Variants in FLVCR2 observed in about 807,000 individuals in gnomAD.
FLVCR2 encodes the protein choline/ethanolamine transporter FLVCR2.
FLVCR2 carries 38 observed loss-of-function variants against 48.9 expected under a neutral mutation model. The ratio of observed to expected loss-of-function variants is 0.78; its 90% confidence interval spans 0.60 to 1.02. The LOEUF is 1.02. Ranked by LOEUF, FLVCR2 falls within the 50% of genes least tolerant of loss-of-function variation. The pLI, the probability that FLVCR2 is intolerant of heterozygous loss-of-function variation, is 0.00. For synonymous variants in FLVCR2, 255 were observed against 257.0 expected, an observed-to-expected ratio of 0.99 and a Z score of 0.07; for missense variants, 664 against 663.3, an observed-to-expected ratio of 1.00 and a Z score of -0.01.
At chr14:75,632,511 G>A (rs1890070817) in intron 3 of FLVCR2, 4 of 644,190 alleles carry the variant, frequency 6.2e-6, no homozygotes, top group Middle Eastern at 3.5e-4. Flanking sequence ...GTGCCTGTGA[G>A]CATTAAGCCA....
intron 2 of FLVCR2, among the ~76,000 whole-genome samples, chr14:75,622,746 A>T (rs531110391): frequency 1.3e-5 from 2 of 152,210 alleles, no homozygotes; most frequent in African/African-American, 4.8e-5. Context: ...AAAAAAAAAA[A>T]ACTGAAATTG....
chr14:75,626,588 C>T (rs776634488), intron 3 of FLVCR2, among the ~76,000 whole-genome samples: 5 of 151,906 alleles, frequency 3.3e-5, no homozygotes, highest in African/African-American at 4.9e-5. Flanking sequence ...CCCATTCATC[C>T]GCAAAATAAA....
chr14:75,607,962 C>G (rs1467277634), intron 1 of FLVCR2, among the ~76,000 whole-genome samples: 1 of 152,062 alleles, frequency 6.6e-6, no homozygotes, highest in African/African-American at 2.4e-5. Context: ...GTAGTTCTAG[C>G]TACTTGGGAG....
In FLVCR2 at chr14:75,641,112, G is replaced by A. The variant is rs111451537; in HGVS notation, c.1341+52G>A. Reference sequence around the variant, plus strand: ...CCTGGCTGGGAAGGCATTGCATCATGGCAGCTCAGTTCTTCCTCATGAGTT... The same window carrying A: ...CCTGGCTGGGAAGGCATTGCATCATAGCAGCTCAGTTCTTCCTCATGAGTT... On this transcript the variant is annotated intron_variant, in intron 7 of 9. Coordinates refer to ENST00000238667, the MANE Select transcript of FLVCR2 (RefSeq NM_017791.3). 0.039 allele frequency: 60,085 copies of A among 1,553,970 alleles called. 1,350 individuals are homozygous for A. Among genetic ancestry groups the A allele is most frequent in the African/African-American group, 0.058 (4,239 of 73,700 alleles).
chr14:75,635,014 G>T lies in FLVCR2; in HGVS notation c.1124+1G>T, dbSNP rs780611797. 9 of 1,585,886 alleles carry T rather than the reference G, an allele frequency of 5.7e-6. No individual in the cohort carries two copies. The Admixed American group carries it at 1.5e-4, about 26-fold the overall frequency. ...GGCTGGATAGGTCCAAAACCTACAA[G>T]TAAGTGACTCATCCTCTTGGACTGA... On this transcript the variant is annotated splice_donor_variant, in intron 5 of 9. Coordinates refer to ENST00000238667, the MANE Select transcript of FLVCR2 (RefSeq NM_017791.3). LOFTEE classifies it high-confidence loss of function.
intron 1 of FLVCR2, among the ~76,000 whole-genome samples, chr14:75,600,939 T>C (rs1227498868): frequency 6.6e-6 from 1 of 150,664 alleles, no homozygotes; most frequent in African/African-American, 2.4e-5. Flanking sequence ...AAATGGTCAA[T>C]TGCCAAGACC....
intron 1 of FLVCR2, among the ~76,000 whole-genome samples, chr14:75,620,930 C>T (rs1889746282): frequency 2.0e-5 from 3 of 152,176 alleles, no homozygotes; most frequent in African/African-American, 7.2e-5. Context: ...AAAAATGAGA[C>T]CTTACGACAA....
At chr14:75,604,943 C>G (rs1381758277) in intron 1 of FLVCR2, among the ~76,000 whole-genome samples, 3 of 152,168 alleles carry the variant, frequency 2.0e-5, no homozygotes, top group African/African-American at 7.2e-5. Flanking sequence ...ACTTTGGAGA[C>G]TCTGGGGTGA....
At chr14:75,618,508 T>G (rs1346196985) in intron 1 of FLVCR2, among the ~76,000 whole-genome samples, 1 of 152,202 alleles carries the variant, frequency 6.6e-6, no homozygotes, top group Non-Finnish European at 1.5e-5. Flanking sequence ...TTGTTGAGAA[T>G]GATAAAACTA....
At chr14:75,580,634 T>C (rs1888572103) in intron 1 of FLVCR2, among the ~76,000 whole-genome samples, 2 of 152,244 alleles carry the variant, frequency 1.3e-5, no homozygotes, top group South Asian at 2.1e-4. Flanking sequence ...TCAGTTCTTA[T>C]AGGTTTTGGG....
rs913431995 is a variant in FLVCR2 at position 75,605,705 on chromosome 14, T to C, written c.670-16374T>C. 1.2e-5 allele frequency: 16 copies of C among 1,336,820 alleles called. No individual in the cohort carries two copies. In the African/African-American group the frequency reaches 2.3e-4, roughly 19 times the overall value. 82.8% of individuals were successfully genotyped at this position (1,336,820 alleles called of 1,614,324 possible). A position where few individuals can be genotyped will look rare whatever the true frequency, so the allele number is the denominator to read the frequency against. ...AGCCTTAGGAGGGAGGAGTGTTTGC[T>C]TTGGCTCCCCTCCGATTGCTTCTCC... On this transcript the variant is annotated intron_variant, in intron 1 of 9. Coordinates refer to ENST00000238667, the MANE Select transcript of FLVCR2 (RefSeq NM_017791.3).
At chr14:75,591,163 C>T (rs1300168333) in intron 1 of FLVCR2, among the ~76,000 whole-genome samples, 2 of 152,228 alleles carry the variant, frequency 1.3e-5, no homozygotes, top group Admixed American at 1.3e-4. Context: ...CCCACCTCAG[C>T]CTGCCAAGTA....
At chr14:75,594,048 A>G (rs551064860) in intron 1 of FLVCR2, among the ~76,000 whole-genome samples, 49 of 152,332 alleles carry the variant, frequency 3.2e-4, no homozygotes, top group African/African-American at 1.1e-3. Context: ...ATCCTAGTTC[A>G]TCACTCTTAA....
rs1361675155 is a variant in FLVCR2, at chr14:75,634,849, T to C, written c.1021-61T>C. On this transcript the variant is annotated intron_variant, in intron 4 of 9. Coordinates refer to ENST00000238667, the MANE Select transcript of FLVCR2 (RefSeq NM_017791.3). ...CTTTGTTCCTTCACCCCATGGTGAC[T>C]GTGCTCTGTCCTGGGTCTTGTCCCA... The C allele has an allele frequency of 4.5e-6, 5 of 1,106,644 alleles. No homozygotes were observed. The East Asian group carries it at 1.2e-4, about 26-fold the overall frequency. 68.6% of individuals were successfully genotyped at this position (1,106,644 alleles called of 1,614,324 possible).
chr14:75,645,377 C>A (rs1221773668), intron 9 of FLVCR2, among the ~76,000 whole-genome samples: 1 of 152,090 alleles, frequency 6.6e-6, no homozygotes, highest in African/African-American at 2.4e-5. Flanking sequence ...ATCAGAAGAA[C>A]CCTTGAGGTC....
intron 1 of FLVCR2, among the ~76,000 whole-genome samples, chr14:75,605,032 CA>C (rs1432588140): frequency 6.6e-6 from 1 of 152,124 alleles, no homozygotes; most frequent in Non-Finnish European, 1.5e-5. Flanking sequence ...AGGAAGCGGG[CA>C]GGGGTAGGGG....
Position 75,594,197 on chromosome 14 carries a change from T to TACTGTCTATA in FLVCR2, c.669+14567_669+14576dup, listed in dbSNP as rs555199085. On this transcript the variant is annotated intron_variant, in intron 1 of 9. Coordinates refer to ENST00000238667, the MANE Select transcript of FLVCR2 (RefSeq NM_017791.3). ...TCTGACACCTCATCAGAATGGTCTTTACTGTCTATAACTGTCTATATTTCT... is the reference window on the plus strand; with the variant it reads ...TCTGACACCTCATCAGAATGGTCTTTACTGTCTATAACTGTCTATAACTGTCTATATTTCT... Among the ~76,000 whole-genome samples, 4 of 150,430 alleles carry TACTGTCTATA rather than the reference T, an allele frequency of 2.7e-5. No homozygotes were observed. In the South Asian group the frequency reaches 8.3e-4, roughly 31 times the overall value.
chr14:75,631,258 C>G (rs1890031202), intron 3 of FLVCR2, among the ~76,000 whole-genome samples: 1 of 152,174 alleles, frequency 6.6e-6, no homozygotes. Flanking sequence ...GTTGTTTAAC[C>G]ACATTGCTCT....
intron 1 of FLVCR2, among the ~76,000 whole-genome samples, chr14:75,607,345 C>G (rs1036625698): frequency 6.6e-6 from 1 of 152,168 alleles, no homozygotes; most frequent in Non-Finnish European, 1.5e-5. Flanking sequence ...AAAAGGTAAA[C>G]GGAGGTGCAA....
Sources: allele counts gnomAD v4.1 joint callset (sites outside exome capture counted in the v4.1 genomes callset), GRCh38; gene constraint gnomAD v4.1.1; transcripts MANE v1.5; gene names NCBI Gene and HGNC (gene_info 2026-07-23, HGNC 2026-07-21).